Variants in FCER2 observed in about 807,000 individuals in gnomAD.
The protein encoded by FCER2 is Fc epsilon receptor II.
In FCER2, 38 loss-of-function variants were observed where a neutral mutation model predicts 49.7. That is an observed-to-expected ratio of 0.76 (90% CI 0.59 to 1.00). The LOEUF is 1.00. Among genes scored for constraint, FCER2 ranks in the 50% least tolerant of loss-of-function variants. The pLI is 0.00. For synonymous variants in FCER2, 163 were observed against 164.6 expected (o/e 0.99, Z 0.07); for missense variants, 425 against 419.5 (o/e 1.01, Z -0.11).
intron 8 of FCER2, among the ~76,000 whole-genome samples, chr19:7,695,655 G>A (rs1357444073): frequency 2.0e-5 from 3 of 152,102 alleles, no homozygotes; most frequent in African/African-American, 4.8e-5. Flanking sequence ...AATGACTTAT[G>A]CCTGTAATCC....
intron 6 of FCER2, 48 bp from the exon 7 acceptor site, chr19:7,697,123 G>C (rs371099977): frequency 1.5e-5 from 24 of 1,610,154 alleles, no homozygotes; most frequent in Non-Finnish European, 8.5e-7. Context: ...GATGTGTACA[G>C]GCCGAGGGTG....
chr19:7,689,783 C>T (rs909786936), intron 10 of FCER2, among the ~76,000 whole-genome samples: 9 of 152,040 alleles, frequency 5.9e-5, no homozygotes, highest in African/African-American at 1.9e-4. Context: ...TCATGACTGG[C>T]TAATTTCTGT....
intron 8 of FCER2, 91 bp from the exon 9 acceptor site, chr19:7,690,648 C>T: frequency 1.5e-6 from 2 of 1,339,368 alleles, no homozygotes; most frequent in Non-Finnish European, 1.0e-6. Flanking sequence ...CCTAGGGCCA[C>T]TCCTGGGGTC....
In FCER2 at chr19:7,690,269, G is replaced by A. The variant is rs768137028; in HGVS notation, c.622-4C>T. ...TGGCATGCTTGGTCAGGAAGTCCTG[G>A]GGGACAGGACAGGGCTGGAGGACTG... On this transcript the variant is annotated splice_region_variant and splice_polypyrimidine_tract_variant and intron_variant, in intron 9 of 10. Coordinates refer to ENST00000597921, the MANE Select transcript of FCER2 (RefSeq NM_001220500.2). The A allele has an allele frequency of 4.3e-6, 7 of 1,612,422 alleles. No homozygotes were observed. The highest frequency in any genetic ancestry group is 4.0e-5 in the African/African-American group (3 of 74,884).
At chr19:7,697,708 G>A (rs1008811053) in intron 4 of FCER2, 119 bp from the exon 5 acceptor site, 2 of 773,678 alleles carry the variant, frequency 2.6e-6, no homozygotes, top group African/African-American at 3.4e-5. Flanking sequence ...GTTGCTGTTT[G>A]TTCATTTACT....
intron 3 of FCER2, 57 bp from the exon 4 acceptor site, chr19:7,698,466 C>A: frequency 1.5e-6 from 2 of 1,364,678 alleles, no homozygotes; most frequent in Non-Finnish European, 1.0e-6. Flanking sequence ...CCCCCACCTG[C>A]CTGCACCCCA....
At chr19:7,697,167 C>A in intron 6 of FCER2, 69 bp downstream of exon 6, 1 of 1,607,408 alleles carries the variant, frequency 6.2e-7, no homozygotes, top group Non-Finnish European at 8.5e-7. Flanking sequence ...CTCGTGGTTC[C>A]CCAGGGCTCT....
intron 8 of FCER2, among the ~76,000 whole-genome samples, chr19:7,694,837 AT>A (rs59420882): frequency 0.29 from 43,072 of 150,732 alleles, 8,210 homozygotes; most frequent in African/African-American, 0.54. Context: ...CCGTACAGTA[AT>A]TTTTTTTTTC....
chr19:7,695,919 T>C (rs978219930), intron 8 of FCER2, among the ~76,000 whole-genome samples: 1 of 98,144 alleles, frequency 1.0e-5, no homozygotes, highest in Non-Finnish European at 2.0e-5. Context: ...TCCATCTCTC[T>C]CTTTTTTTTT....
chr19:7,698,329 A>AC, intron 4 of FCER2, 27 bp downstream of exon 4: 1 of 1,520,754 alleles, frequency 6.6e-7, no homozygotes, highest in Non-Finnish European at 9.0e-7. Flanking sequence ...CCTCACCCCC[A>AC]CCCCCTCCAC....
intron 2 of FCER2, among the ~76,000 whole-genome samples, chr19:7,699,097 C>A (rs72558013): frequency 0.055 from 8,431 of 152,000 alleles, 532 homozygotes; most frequent in East Asian, 0.17. Flanking sequence ...CCCCAACAAC[C>A]AATGCCAGGC....
intron 8 of FCER2, among the ~76,000 whole-genome samples, chr19:7,695,825 G>A (rs1190691728): frequency 6.6e-6 from 1 of 152,108 alleles, no homozygotes; most frequent in South Asian, 2.1e-4. Context: ...GCTGAGGTGG[G>A]AGGATCTCTT....
chr19:7,693,813 T>G (rs914335546), intron 8 of FCER2, among the ~76,000 whole-genome samples: 4 of 147,624 alleles, frequency 2.7e-5, no homozygotes, highest in Admixed American at 2.7e-4. Context: ...CATGCCCAGC[T>G]AATTTTTATA....
chr19:7,689,146 G>T lies in FCER2; in HGVS notation c.*47C>A. On this transcript the variant is annotated 3_prime_UTR_variant, in exon 11 of 11. Transcript: ENST00000597921. Reference sequence around the variant, plus strand: ...AGCCACAAAGAGGCTTTTAGGCCGTGGTTGGGGGTCTTCAGGGTCTTGCTC... The same window carrying T: ...AGCCACAAAGAGGCTTTTAGGCCGTTGTTGGGGGTCTTCAGGGTCTTGCTC... 4 of 1,346,546 alleles carry T rather than the reference G, an allele frequency of 3.0e-6. No individual in the cohort carries two copies. The highest frequency in any genetic ancestry group is 4.2e-6 in the Non-Finnish European group (4 of 944,026). 83.4% of individuals were successfully genotyped at this position (1,346,546 alleles called of 1,614,324 possible). A position where few individuals can be genotyped will look rare whatever the true frequency, so the allele number is the denominator to read the frequency against.
At position 7,699,813 on chromosome 19, in the gene FCER2, C is replaced by A. The variant is rs2033115478; in HGVS notation, c.-53G>T. On this transcript the variant is annotated 5_prime_UTR_variant, in exon 2 of 11. Coordinates refer to ENST00000597921, the MANE Select transcript of FCER2 (RefSeq NM_001220500.2). ...ATGGAGCACTCACTCCCTGACAACGCAGTCCACTCAGCGGGCACAATCACA... is the reference window on the plus strand; with the variant it reads ...ATGGAGCACTCACTCCCTGACAACGAAGTCCACTCAGCGGGCACAATCACA... The A allele has an allele frequency of 1.3e-6, 2 of 1,570,936 alleles. No homozygotes were observed. Among genetic ancestry groups the A allele is most frequent in the African/African-American group, 1.4e-5 (1 of 74,052 alleles).
At position 7,698,819 on chromosome 19, in the gene FCER2, G is replaced by T. The variant is rs773775018; in HGVS notation, c.58C>A (p.Arg20Ser). 1 of 1,610,552 alleles carries T rather than the reference G, an allele frequency of 6.2e-7. No individual in the cohort carries two copies. Among genetic ancestry groups the T allele is most frequent in the Non-Finnish European group, 8.5e-7 (1 of 1,178,866 alleles). Residue 20 changes from arginine (R) to serine (S), a missense_variant, in exon 3 of 11, where the codon CGT (arginine) becomes AGT (serine). Physicochemically the swap from Arg to Ser is moderately radical, Grantham distance 110. Coordinates refer to ENST00000597921, the MANE Select transcript of FCER2 (RefSeq NM_001220500.2). Reference protein sequence around the residue: ...EELPRRRCCRRGTQIVLLGLV... With the variant: ...EELPRRRCCRSGTQIVLLGLV... Reference sequence around the variant, plus strand: ...CCCAGCAGCACGATCTGAGTCCCACGCCTGCAACACCGCCTCCTGGGAAGC... The same window carrying T: ...CCCAGCAGCACGATCTGAGTCCCACTCCTGCAACACCGCCTCCTGGGAAGC...
rs34603368 is a variant in FCER2 at position 7,696,528 on chromosome 19, G to A, written c.469+297C>T. On this transcript the variant is annotated intron_variant, in intron 8 of 10. Transcript: ENST00000597921. ...TGGGATTACAGGTGTGAGCCACCGC[G>A]CCTGGCCAAGACCCCTTCTCTTAAA... 0.24 allele frequency among the ~76,000 whole-genome samples: 36,368 copies of A among 151,874 alleles called. 4,704 individuals carry two copies. The highest frequency in any genetic ancestry group is 0.33 in the African/African-American group (13,475 of 41,366).
intron 2 of FCER2, 80 bp downstream of exon 2, chr19:7,699,659 G>GC (rs3214456): frequency 0.64 from 897,291 of 1,393,704 alleles, 292,915 homozygotes; most frequent in East Asian, 0.84. Flanking sequence ...GGACTGGGGA[G>GC]CCCCGCTTCT....
chr19:7,689,526 G>A (rs1471981334), intron 10 of FCER2, 96 bp from the exon 11 acceptor site: 1 of 751,908 alleles, frequency 1.3e-6, no homozygotes, highest in Non-Finnish European at 2.1e-6. Flanking sequence ...CTCACCCCAG[G>A]TTCCCCATCC....
Sources: allele counts gnomAD v4.1 joint callset (sites outside exome capture counted in the v4.1 genomes callset), GRCh38; gene constraint gnomAD v4.1.1; transcripts MANE v1.5; gene names NCBI Gene and HGNC (gene_info 2026-07-23, HGNC 2026-07-21).